The following ZSWIM7 variants were observed in gnomAD, a reference collection of about 807,000 sequenced individuals.
The protein encoded by ZSWIM7 is zinc finger SWIM-type containing 7.
ZSWIM7 carries 22 observed loss-of-function variants against 21.1 expected under a neutral mutation model. That is an observed-to-expected ratio of 1.04 (90% confidence interval 0.74 to 1.49). The LOEUF is 1.49. ZSWIM7 is among the 40% of genes most tolerant of loss of function. The pLI is 0.00. For synonymous variants in ZSWIM7, 67 were observed against 66.5 expected, an observed-to-expected ratio of 1.01 and a Z score of -0.04; for missense variants, 193 against 168.0, an observed-to-expected ratio of 1.15 and a Z score of -0.82.
rs1170540022 is a variant in ZSWIM7, at chr17:15,977,839, AGACTGTACAGGGCTTCTCATC to A, written c.*187_*207del. Reference sequence around the variant, plus strand: ...GACTGGCTCAGGGTATTTCTTGACAAGACTGTACAGGGCTTCTCATCATACACAAACCCTCCACAGCCCACG... The same window carrying A: ...GACTGGCTCAGGGTATTTCTTGACAAATACACAAACCCTCCACAGCCCACG... On this transcript the variant is annotated 3_prime_UTR_variant, in exon 5 of 5. Transcript: ENST00000399277. The A allele has an allele frequency of 4.2e-6, 2 of 477,152 alleles. No homozygotes were observed. Among genetic ancestry groups the A allele is most frequent in the Middle Eastern group, 5.8e-4 (1 of 1,720 alleles). 29.6% of individuals were successfully genotyped at this position (477,152 alleles called of 1,614,324 possible).
chr17:15,983,882 C>T (rs73978582), intron 3 of ZSWIM7, among the ~76,000 whole-genome samples: 2,845 of 152,170 alleles, frequency 0.019, 91 homozygotes, highest in African/African-American at 0.066. Context: ...CCACCACTCC[C>T]GGCCTATAAT....
At chr17:15,988,468 T>A (rs980370106) in intron 2 of ZSWIM7, among the ~76,000 whole-genome samples, 5 of 152,138 alleles carry the variant, frequency 3.3e-5, no homozygotes, top group South Asian at 2.1e-4. Context: ...CCCTTTAGTT[T>A]ATGTAACTAA....
rs773702928 is a variant in ZSWIM7, at chr17:15,977,087, A to G, written c.*960T>C. 13 of 151,298 alleles carry G rather than the reference A, an allele frequency of 8.6e-5. No homozygotes were observed. Among genetic ancestry groups the G allele is most frequent in the Non-Finnish European group, 1.6e-4 (11 of 67,794 alleles). 9.4% of individuals were successfully genotyped at this position (151,298 alleles called of 1,614,324 possible). On this transcript the variant is annotated 3_prime_UTR_variant, in exon 5 of 5. Coordinates refer to ENST00000399277, the MANE Select transcript of ZSWIM7 (RefSeq NM_001042697.2). ...ACACGATTTTTAGTCTGTTCCTTCA[A>G]TTGCCCTGTTGTAAAGATCAGAAGT...
At chr17:15,979,601 G>A (rs1970323841) in intron 4 of ZSWIM7, among the ~76,000 whole-genome samples, 2 of 149,350 alleles carry the variant, frequency 1.3e-5, no homozygotes, top group Admixed American at 6.6e-5. Context: ...GGACGAGGCG[G>A]CTGGCCAGGC....
At position 15,977,492 on chromosome 17, in the gene ZSWIM7, G is replaced by A. The variant is rs1970292536; in HGVS notation, c.*555C>T. On this transcript the variant is annotated 3_prime_UTR_variant, in exon 5 of 5. Coordinates refer to ENST00000399277, the MANE Select transcript of ZSWIM7 (RefSeq NM_001042697.2). ...AGGCGGGCAGACCACTAGGTCAGGA[G>A]ATGGAGACCATCCTGGCTAACACGG... The A allele has an allele frequency of 2.0e-5, 3 of 152,316 alleles. No individual in the cohort carries two copies. The highest frequency in any genetic ancestry group is 7.3e-5 in the African/African-American group (3 of 41,342). The allele number at this position is 152,316 out of a possible 1,614,324, so 9.4% of individuals were successfully genotyped here.
chr17:15,982,542 T>G (rs1970367471), intron 3 of ZSWIM7, among the ~76,000 whole-genome samples: 1 of 152,180 alleles, frequency 6.6e-6, no homozygotes, highest in East Asian at 1.9e-4. Flanking sequence ...AAGCTACAGG[T>G]ATGGTTTGAC....
At chr17:15,998,780 A>G (rs1162297203) in intron 1 of ZSWIM7, among the ~76,000 whole-genome samples, 1 of 140,474 alleles carries the variant, frequency 7.1e-6, no homozygotes, top group African/African-American at 2.7e-5. Flanking sequence ...TTGAGATGGA[A>G]TTTCGCTCTT....
At chr17:15,981,965 T>C (rs905331263) in intron 3 of ZSWIM7, among the ~76,000 whole-genome samples, 1 of 152,112 alleles carries the variant, frequency 6.6e-6, no homozygotes, top group Admixed American at 6.6e-5. Context: ...AAGAGGCTTT[T>C]GAAAAGCATT....
intron 4 of ZSWIM7, among the ~76,000 whole-genome samples, chr17:15,979,095 G>C (rs1970313699): frequency 6.6e-6 from 1 of 150,938 alleles, no homozygotes. Flanking sequence ...ATAAACAAGT[G>C]AACAAAGGTC....
chr17:15,989,879 A>G (rs1970460397), intron 2 of ZSWIM7, among the ~76,000 whole-genome samples: 1 of 152,038 alleles, frequency 6.6e-6, no homozygotes, highest in South Asian at 2.1e-4. Flanking sequence ...CGATCCTCAT[A>G]TTACAGGCGT....
At chr17:15,995,560 C>G (rs1206035547) in intron 1 of ZSWIM7, among the ~76,000 whole-genome samples, 1 of 136,558 alleles carries the variant, frequency 7.3e-6, no homozygotes, top group Non-Finnish European at 1.5e-5. Context: ...CTGTGGCCGG[C>G]AAGACCCTGT....
At chr17:15,982,296 A>C (rs1228892412) in intron 3 of ZSWIM7, among the ~76,000 whole-genome samples, 1 of 152,164 alleles carries the variant, frequency 6.6e-6, no homozygotes, top group Non-Finnish European at 1.5e-5. Context: ...CTTCATTCCT[A>C]GAGTTAACTT....
chr17:15,978,056 T>A lies in ZSWIM7; in HGVS notation c.414A>T (p.Gln138His), dbSNP rs762495375. The A allele has an allele frequency of 1.2e-6, 2 of 1,613,172 alleles. No individual in the cohort carries two copies. Among genetic ancestry groups the A allele is most frequent in the Non-Finnish European group, 1.7e-6 (2 of 1,179,046 alleles). Residue 138 changes from glutamine (Q) to histidine (H), a missense_variant, in exon 5 of 5, where the codon CAA (glutamine) becomes CAT (histidine). Gln to His is a conservative substitution (Grantham distance 24). Transcript: ENST00000399277. ...LTDILLMEKK[Q>H]EA ...GCTCAATCTGTACCTTTTATGCTTCTTGTTTCTTCTCCATCAATAATATGT... is the reference window on the plus strand; with the variant it reads ...GCTCAATCTGTACCTTTTATGCTTCATGTTTCTTCTCCATCAATAATATGT...
At chr17:15,979,126 G>A (rs1016165174) in intron 4 of ZSWIM7, among the ~76,000 whole-genome samples, 101 of 151,434 alleles carry the variant, frequency 6.7e-4, no homozygotes, top group Non-Finnish European at 1.3e-3. Context: ...CTAGGCAGAG[G>A]ACCCTGCGGC....
Position 15,999,524 on chromosome 17 carries a change from G to C in ZSWIM7, c.71C>G (p.Ala24Gly), listed in dbSNP as rs777843432. The C allele has an allele frequency of 6.2e-7, 1 of 1,600,286 alleles. No individual in the cohort carries two copies. Among genetic ancestry groups the C allele is most frequent in the Non-Finnish European group, 8.5e-7 (1 of 1,177,900 alleles). ...ACACGACCTCGGTCCCGTACTTCGC[G>C]CGCTCTCCTGCACCGCCGCCGCCAT... ...SEMAAAVQES[A>G]RIPDEYLLSL... The change falls in exon 1 of 5, where the codon GCG becomes GGG. Residue 24 changes from alanine to glycine, a missense_variant. Transcript: ENST00000399277.
intron 3 of ZSWIM7, among the ~76,000 whole-genome samples, chr17:15,986,580 G>A (rs1970413718): frequency 6.6e-6 from 1 of 151,722 alleles, no homozygotes; most frequent in African/African-American, 2.4e-5. Flanking sequence ...GGGCAACATA[G>A]CAAGACCCTG....
Position 15,987,362 on chromosome 17 carries a change from CTT to C in ZSWIM7, c.103_104del (p.Lys35ValfsTer15). ...GGGTGGCTGATGAGCCAAAGAGAAACTTCAGCCTGTGAAATAAAAACACTTCA... is the reference window on the plus strand; with the variant it reads ...GGGTGGCTGATGAGCCAAAGAGAAACCAGCCTGTGAAATAAAAACACTTCA... ...RIPDEYLLSL[K>X]FLFGSSATQA... On this transcript the variant is annotated frameshift_variant, in exon 3 of 5. Transcript: ENST00000399277. LOFTEE classifies it high-confidence loss of function. 1 of 1,612,730 alleles carries C rather than the reference CTT, an allele frequency of 6.2e-7. No individual in the cohort carries two copies. The highest frequency in any genetic ancestry group is 1.1e-5 in the South Asian group (1 of 90,742).
rs1970287896 is a variant in ZSWIM7 at position 15,977,188 on chromosome 17, AC to A, written c.*858del. 1 of 152,186 alleles carries A rather than the reference AC, an allele frequency of 6.6e-6. No homozygotes were observed. Among genetic ancestry groups the A allele is most frequent in the Admixed American group, 6.5e-5 (1 of 15,268 alleles). The allele number at this position is 152,186 out of a possible 1,614,324, so 9.4% of individuals were successfully genotyped here. ...TACAGTCTACTTAAGCTGTTTTGGCACAAGCATCACAGATATTTGAAGCTTA... is the reference window on the plus strand; with the variant it reads ...TACAGTCTACTTAAGCTGTTTTGGCAAAGCATCACAGATATTTGAAGCTTA... On this transcript the variant is annotated 3_prime_UTR_variant, in exon 5 of 5. Transcript: ENST00000399277.
chr17:15,995,344 C>A (rs1463075488), intron 1 of ZSWIM7, among the ~76,000 whole-genome samples: 1 of 151,444 alleles, frequency 6.6e-6, no homozygotes, highest in Non-Finnish European at 1.5e-5. Flanking sequence ...CTCGGCTTAC[C>A]GCAACCTCCA....
Sources: gnomAD v4.1 joint callset for allele counts (sites outside exome capture counted in the v4.1 genomes callset) on GRCh38, gnomAD v4.1.1 for gene constraint, MANE v1.5 for transcripts, NCBI Gene and HGNC (gene_info 2026-07-23, HGNC 2026-07-21) for gene names.